The following DIS3L2 variants were observed in gnomAD, a reference collection of about 807,000 sequenced individuals.
DIS3L2 encodes the protein DIS3 like 3'-5' exoribonuclease 2, also known as DIS3-like exonuclease 2.
Under a neutral mutation model 97.5 loss-of-function variants are expected in DIS3L2, and 34 were observed. The observed-to-expected ratio is 0.35, with a 90% CI of 0.27 to 0.46. The LOEUF is 0.46. DIS3L2 is among the 20% of genes least tolerant of loss of function. The pLI, the probability that DIS3L2 is intolerant of heterozygous loss-of-function variation, is 1.00. For synonymous variants in DIS3L2, 435 were observed against 445.2 expected, an observed-to-expected ratio of 0.98 and a Z score of 0.29; for missense variants, 1,038 against 1,146.0, an observed-to-expected ratio of 0.91 and a Z score of 1.36.
At chr2:232,329,785 T>TGCCCGGGGGGGGGGGCCCCCCC in intron 14 of DIS3L2, 28 bp from the exon 15 acceptor site, 2 of 967,140 alleles carry the variant, frequency 2.1e-6, no homozygotes, top group Non-Finnish European at 1.5e-6. Flanking sequence ...ACCCCAGCGG[T>TGCCCGGGGGGGGGGGCCCCCCC]CCCTCCCATC....
At chr2:232,172,362 C>A (rs1691016318) in intron 9 of DIS3L2, among the ~76,000 whole-genome samples, 1 of 152,158 alleles carries the variant, frequency 6.6e-6, no homozygotes, top group Admixed American at 6.5e-5. Flanking sequence ...TTTCCCTGTT[C>A]TGAACATTTC....
At chr2:232,339,850 A>C (rs1163284491), downstream of DIS3L2, 4 of 391,534 alleles carry the variant, frequency 1.0e-5, no homozygotes, top group Non-Finnish European at 2.1e-5. Context: ...TCTTCTAGCC[A>C]GAATGGACCA....
chr2:232,016,426 C>G (rs1343066243), intron 3 of DIS3L2, among the ~76,000 whole-genome samples: 1 of 151,950 alleles, frequency 6.6e-6, no homozygotes, highest in Non-Finnish European at 1.5e-5. Context: ...GGCAAGTGCT[C>G]AGATAAAAGG....
intron 5 of DIS3L2, among the ~76,000 whole-genome samples, chr2:232,082,610 C>G (rs1376306067): frequency 1.3e-5 from 2 of 152,200 alleles, no homozygotes; most frequent in East Asian, 1.9e-4. Flanking sequence ...TTGTCTTCCA[C>G]AAAACCAGTC....
At chr2:232,042,990 A>G (rs1434389810) in intron 5 of DIS3L2, among the ~76,000 whole-genome samples, 1 of 152,234 alleles carries the variant, frequency 6.6e-6, no homozygotes. Flanking sequence ...ATTCAGATTT[A>G]CTTTTTCTAG....
At chr2:232,162,536 A>G (rs1162919308) in intron 8 of DIS3L2, among the ~76,000 whole-genome samples, 1 of 152,248 alleles carries the variant, frequency 6.6e-6, no homozygotes, top group Non-Finnish European at 1.5e-5. Context: ...AACCTTTTTC[A>G]TAGAAATCGA....
At chr2:232,314,414 G>A (rs569403705) in intron 14 of DIS3L2, among the ~76,000 whole-genome samples, 1 of 152,186 alleles carries the variant, frequency 6.6e-6, no homozygotes, top group African/African-American at 2.4e-5. Context: ...AGAGAGGGTC[G>A]AGACCCAAAC....
rs755258805 is a variant in DIS3L2 at position 232,087,686 on chromosome 2, G to C, written c.566G>C (p.Gly189Ala). The C allele has an allele frequency of 2.2e-5, 36 of 1,614,036 alleles. 1 individual carries two copies. The highest frequency in any genetic ancestry group is 1.6e-4 in the Middle Eastern group (1 of 6,084). Residue 189 changes from glycine (G) to alanine (A), a missense_variant, in exon 6 of 21, where the codon GGT becomes GCT. Physicochemically the swap from Gly to Ala is moderately conservative, Grantham distance 60. This residue lies in a region of DIS3L2 where 813 missense variants were observed against 880.1 expected (regional missense o/e 0.92). Coordinates refer to ENST00000325385, the MANE Select transcript of DIS3L2 (RefSeq NM_152383.5). ...HGITQNVLVDGVKKLSVCVSE... is the reference protein window; with the variant it reads ...HGITQNVLVDAVKKLSVCVSE... ...ATCACACAAAATGTGCTGGTTGATGGTGTTAAGAAACTCTCAGTTTGTGTT... is the reference window on the plus strand; with the variant it reads ...ATCACACAAAATGTGCTGGTTGATGCTGTTAAGAAACTCTCAGTTTGTGTT...
intron 6 of DIS3L2, among the ~76,000 whole-genome samples, chr2:232,099,739 T>C (rs1428862509): frequency 6.6e-6 from 1 of 152,210 alleles, no homozygotes; most frequent in East Asian, 1.9e-4. Context: ...ATCTTTGCTG[T>C]TTTAATCCCT....
chr2:232,184,389 G>A (rs989273352), intron 9 of DIS3L2, among the ~76,000 whole-genome samples: 1 of 152,216 alleles, frequency 6.6e-6, no homozygotes, highest in Non-Finnish European at 1.5e-5. Flanking sequence ...GCTCATACCT[G>A]TAATCCCAGT....
intron 5 of DIS3L2, 22 bp from the exon 6 acceptor site, chr2:232,087,465 A>G: frequency 1.3e-6 from 2 of 1,563,324 alleles, no homozygotes; most frequent in Non-Finnish European, 8.7e-7. Flanking sequence ...GTGATTTAGC[A>G]GAATTTTTCT....
intron 6 of DIS3L2, among the ~76,000 whole-genome samples, chr2:232,109,509 A>G (rs1322174737): frequency 6.6e-6 from 1 of 152,182 alleles, no homozygotes; most frequent in Non-Finnish European, 1.5e-5. Flanking sequence ...AGTAACCAAA[A>G]CAGCATGGTA....
At chr2:232,030,287 C>G (rs1027939782) in intron 5 of DIS3L2, among the ~76,000 whole-genome samples, 1 of 152,168 alleles carries the variant, frequency 6.6e-6, no homozygotes. Context: ...GTTCTCCTTG[C>G]TCTCTCTCTA....
intron 9 of DIS3L2, among the ~76,000 whole-genome samples, chr2:232,171,172 T>G (rs1690978737): frequency 6.6e-6 from 1 of 152,168 alleles, no homozygotes. Flanking sequence ...GTGAAATGGA[T>G]TTTTGACCAG....
At position 232,277,572 on chromosome 2, in the gene DIS3L2, T is replaced by C. The variant is rs141714622; in HGVS notation, c.1659+14132T>C. Reference sequence around the variant, plus strand: ...AATACATATTTATTTTATAAAAATTTAGAAATTGACCAAAAGCAGCCATTG... The same window carrying C: ...AATACATATTTATTTTATAAAAATTCAGAAATTGACCAAAAGCAGCCATTG... On this transcript the variant is annotated intron_variant, in intron 13 of 20. Coordinates refer to ENST00000325385, the MANE Select transcript of DIS3L2 (RefSeq NM_152383.5). Among the ~76,000 whole-genome samples the C allele has an allele frequency of 7.0e-3, 1,071 of 152,300 alleles. 6 individuals are homozygous for C. The highest frequency in any genetic ancestry group is 0.017 in the South Asian group (83 of 4,822).
chr2:232,034,274 C>T (rs1344979274), intron 5 of DIS3L2, among the ~76,000 whole-genome samples: 1 of 152,122 alleles, frequency 6.6e-6, no homozygotes, highest in Non-Finnish European at 1.5e-5. Flanking sequence ...ATAGTATTCT[C>T]TGATGGTAGT....
chr2:232,192,318 A>G (rs1276747935), intron 9 of DIS3L2, among the ~76,000 whole-genome samples: 1 of 152,210 alleles, frequency 6.6e-6, no homozygotes, highest in Non-Finnish European at 1.5e-5. Flanking sequence ...GCCTGAGGTC[A>G]CATGACTGAG....
At chr2:231,999,359 G>C (rs1693816015) in intron 1 of DIS3L2, among the ~76,000 whole-genome samples, 1 of 152,122 alleles carries the variant, frequency 6.6e-6, no homozygotes, top group Non-Finnish European at 1.5e-5. Context: ...GAATGTCATT[G>C]ATTCTAGGCC....
intron 9 of DIS3L2, among the ~76,000 whole-genome samples, chr2:232,192,922 G>T (rs1027099255): frequency 2.6e-5 from 4 of 152,156 alleles, no homozygotes; most frequent in African/African-American, 9.7e-5. Context: ...AACCCAGAAA[G>T]ACTTCTTTCT....
Sources: allele counts gnomAD v4.1 joint callset (sites outside exome capture counted in the v4.1 genomes callset), GRCh38; gene constraint gnomAD v4.1.1; regional missense constraint gnomAD v4.1.1; transcripts MANE v1.5; gene names NCBI Gene and HGNC (gene_info 2026-07-23, HGNC 2026-07-21).